The following LRRC37B variants were observed in gnomAD, a reference collection of about 807,000 sequenced individuals.
The protein encoded by LRRC37B is leucine rich repeat containing 37B, also known as leucine-rich repeat-containing protein 37B.
A neutral mutation model predicts 98.3 loss-of-function variants in LRRC37B; 28 were observed. The observed-to-expected ratio is 0.28, with a 90% confidence interval of 0.21 to 0.39. The LOEUF (loss-of-function observed/expected upper bound fraction) is 0.39, where lower values mean the gene tolerates loss of function less well. Among genes scored for constraint, LRRC37B ranks in the 10% least tolerant of loss-of-function variants. The pLI is 1.00. For missense variants in LRRC37B, 938 were observed against 1,182.7 expected, an observed-to-expected ratio of 0.79 and a Z score of 3.03; for synonymous variants, 364 against 442.7, an observed-to-expected ratio of 0.82 and a Z score of 2.23.
chr17:32,025,879 C>T (rs904987241), intron 2 of LRRC37B, among the ~76,000 whole-genome samples: 1 of 152,244 alleles, frequency 6.6e-6, no homozygotes, highest in African/African-American at 2.4e-5. Flanking sequence ...CATTTCCCCA[C>T]ACCTTTTCAC....
chr17:32,022,067 T>A (rs575831867), exon 1 of LRRC37B: 2 of 1,613,944 alleles, frequency 1.2e-6, no homozygotes, highest in East Asian at 4.5e-5. Flanking sequence ...CAGCTCTGCC[T>A]CCAGAGTCCT....
chr17:32,013,473 T>G (rs1355541845), intron 1 of LRRC37B, among the ~76,000 whole-genome samples: 6 of 152,188 alleles, frequency 3.9e-5, no homozygotes, highest in African/African-American at 1.2e-4. Context: ...ATCTCTTTTT[T>G]GGGGGGTTTC....
chr17:32,022,149 C>T (rs1213355209), exon 1 of LRRC37B: 1 of 1,613,830 alleles, frequency 6.2e-7, no homozygotes, highest in Non-Finnish European at 8.5e-7. Flanking sequence ...GGATCAAGCT[C>T]ATTATAATTT....
exon 1 of LRRC37B, chr17:32,008,066 G>A: frequency 2.0e-6 from 1 of 504,810 alleles, no homozygotes; most frequent in Non-Finnish European, 3.8e-6. Context: ...CGATTATCCG[G>A]AGGAGCTGGA....
intron 10 of LRRC37B, 49 bp from the exon 14 acceptor site, chr17:32,049,953 CT>C (rs577043037): frequency 4.2e-4 from 479 of 1,136,482 alleles, no homozygotes; most frequent in East Asian, 5.0e-4. Flanking sequence ...TTCTCTCTCT[CT>C]TTTTTTTTAA....
At chr17:32,048,793 T>C (rs192036016) in intron 9 of LRRC37B, among the ~76,000 whole-genome samples, 11 of 152,354 alleles carry the variant, frequency 7.2e-5, no homozygotes, top group South Asian at 4.1e-4. Flanking sequence ...AAGGGGTTTT[T>C]TCATCCTTAG....
At chr17:32,026,658 A>G (rs541227739) in intron 2 of LRRC37B, among the ~76,000 whole-genome samples, 6 of 152,182 alleles carry the variant, frequency 3.9e-5, no homozygotes, top group Non-Finnish European at 7.3e-5. Context: ...CGAACTCATG[A>G]TCTCAGGTGA....
At chr17:32,052,972 G>T (rs1321298835) in intron 11 of LRRC37B, 2 of 223,994 alleles carry the variant, frequency 8.9e-6, no homozygotes, top group South Asian at 6.0e-5. Context: ...AAAGTATATG[G>T]GGGGGGGTGT....
intron 2 of LRRC37B, among the ~76,000 whole-genome samples, chr17:32,026,469 C>T: frequency 6.6e-6 from 1 of 152,176 alleles, no homozygotes; most frequent in Non-Finnish European, 1.5e-5. Flanking sequence ...GTTCTTGTTG[C>T]CCAGGCTGGA....
chr17:32,046,747 A>G (rs8071755), intron 8 of LRRC37B, among the ~76,000 whole-genome samples: 9,430 of 151,710 alleles, frequency 0.062, 315 homozygotes, highest in African/African-American at 0.2. Flanking sequence ...TCTGTCCCCA[A>G]TTCTGGGTTC....
At chr17:32,007,829 ACCG>A (rs891445614), upstream of LRRC37B, 563 of 1,175,956 alleles carry the variant, frequency 4.8e-4, no homozygotes, top group Non-Finnish European at 5.4e-4. The surrounding 1 kb of genome is among the most constrained non-coding windows in gnomAD (Gnocchi z 4.1). Context: ...GGAGGAAGCC[ACCG>A]CCGCCGGCCC....
At chr17:32,014,581 A>T (rs1910608910) in intron 1 of LRRC37B, among the ~76,000 whole-genome samples, 2 of 152,210 alleles carry the variant, frequency 1.3e-5, no homozygotes, top group African/African-American at 4.8e-5. Flanking sequence ...GAGCAGCAGA[A>T]ATGGTATCTG....
intron 2 of LRRC37B, among the ~76,000 whole-genome samples, chr17:32,026,622 TTTC>T (rs1201990241): frequency 6.6e-6 from 1 of 151,876 alleles, no homozygotes; most frequent in African/African-American, 2.4e-5. Context: ...AGAGACAGAG[TTTC>T]ACCATGTTGG....
intron 2 of LRRC37B, among the ~76,000 whole-genome samples, chr17:32,025,891 G>A (rs1408595693): frequency 6.6e-6 from 1 of 152,210 alleles, no homozygotes; most frequent in East Asian, 1.9e-4. Flanking sequence ...CCTTTTCACT[G>A]TTGGGAATTT....
intron 11 of LRRC37B, chr17:32,051,894 TAACA>T (rs1911771298): frequency 6.6e-6 from 1 of 152,248 alleles, no homozygotes; most frequent in East Asian, 1.9e-4. Context: ...TTTTGTTAGA[TAACA>T]GATCTTTGTA....
intron 7 of LRRC37B, among the ~76,000 whole-genome samples, chr17:32,043,376 C>T (rs1039379024): frequency 4.9e-4 from 74 of 152,118 alleles, no homozygotes; most frequent in Admixed American, 1.7e-3. Flanking sequence ...GCCTGGGCAA[C>T]GTGGTGAAAC....
rs745971521 is a variant in LRRC37B at position 32,021,170 on chromosome 17, C to A, written c.105C>A (p.Gly35=). The A allele has an allele frequency of 4.8e-5, 77 of 1,613,510 alleles. No homozygotes were observed. The Middle Eastern group carries it at 7.1e-4, about 15-fold the overall frequency. The change falls in exon 1 of 12, where the codon GGC becomes GGA. Residue 35 remains glycine, a synonymous_variant. Coordinates refer to ENST00000327564, the Ensembl canonical transcript of LRRC37B. ...TCATGTCTTGGCTGCGTTTCTGGGG[C>A]CCATGGCCCCTCCTTACGTGGCAAC... is the stretch of plus-strand genomic sequence containing the variant.
upstream of LRRC37B, chr17:32,020,761 G>T (rs963825894): frequency 2.0e-6 from 1 of 500,732 alleles, no homozygotes; most frequent in Admixed American, 4.0e-5. Context: ...AAGAATTCAG[G>T]CTGCCAGAAC....
intron 7 of LRRC37B, chr17:32,036,067 C>T (rs1911238285): frequency 6.0e-6 from 1 of 165,712 alleles, no homozygotes; most frequent in African/African-American, 2.4e-5. Context: ...GAGGCATGAC[C>T]TCAGCTCACT....
Sources: allele counts gnomAD v4.1 joint callset (sites outside exome capture counted in the v4.1 genomes callset), GRCh38; gene constraint gnomAD v4.1.1; non-coding constraint Gnocchi (gnomAD v3.1); transcripts MANE v1.5; gene names NCBI Gene and HGNC (gene_info 2026-07-23, HGNC 2026-07-21).